RBMS3: variants seen among roughly 807,000 people sequenced by gnomAD.
RBMS3 encodes the protein RNA binding motif single stranded interacting protein 3, also known as RNA-binding motif, single-stranded-interacting protein 3.
In RBMS3, 27 loss-of-function variants were observed where a neutral mutation model predicts 66.8. The ratio of observed to expected loss-of-function variants is 0.40; its 90% CI spans 0.30 to 0.56. The LOEUF is 0.56. RBMS3 is among the 20% of genes least tolerant of loss of function. The pLI is 0.40. For synonymous variants in RBMS3, 188 were observed against 183.0 expected, an observed-to-expected ratio of 1.03 and a Z score of -0.22; for missense variants, 513 against 549.5, an observed-to-expected ratio of 0.93 and a Z score of 0.66.
intron 3 of RBMS3, among the ~76,000 whole-genome samples, chr3:29,538,471 C>A (rs1225676940): frequency 1.3e-5 from 2 of 152,124 alleles, no homozygotes; most frequent in Non-Finnish European, 2.9e-5. Flanking sequence ...ACATCGTTAT[C>A]CTTATTATAA....
At chr3:29,299,014 A>G (rs2033483039) in intron 1 of RBMS3, among the ~76,000 whole-genome samples, 1 of 151,862 alleles carries the variant, frequency 6.6e-6, no homozygotes, top group Non-Finnish European at 1.5e-5. Context: ...AGGACTCATG[A>G]ACAAAGGAGG....
chr3:29,926,310 G>A (rs1438684892), intron 10 of RBMS3, among the ~76,000 whole-genome samples: 1 of 152,022 alleles, frequency 6.6e-6, no homozygotes, highest in Non-Finnish European at 1.5e-5. Flanking sequence ...CCCTAACCAG[G>A]CAAATTCCTA....
chr3:29,483,398 T>A (rs571404322), intron 2 of RBMS3, among the ~76,000 whole-genome samples: 1 of 152,226 alleles, frequency 6.6e-6, no homozygotes, highest in Non-Finnish European at 1.5e-5. Context: ...TCTTTGCTGT[T>A]TGTGTGTTAG....
intron 3 of RBMS3, among the ~76,000 whole-genome samples, chr3:29,551,621 A>G (rs2046182210): frequency 6.6e-6 from 1 of 152,234 alleles, no homozygotes; most frequent in Non-Finnish European, 1.5e-5. Context: ...AGTTTTCATT[A>G]CAGGACATAT....
intron 4 of RBMS3, among the ~76,000 whole-genome samples, chr3:29,632,767 G>A (rs547609772): frequency 4.6e-5 from 7 of 151,946 alleles, no homozygotes; most frequent in African/African-American, 1.7e-4. Context: ...GCAAAGAATG[G>A]ATCTTTGTGT....
intron 1 of RBMS3, among the ~76,000 whole-genome samples, chr3:29,318,165 A>G (rs2034799742): frequency 6.6e-6 from 1 of 151,886 alleles, no homozygotes; most frequent in Non-Finnish European, 1.5e-5. Context: ...GGCATTTGTA[A>G]CATTCATAAT....
chr3:29,475,875 AAAAAG>A (rs1391150555), intron 2 of RBMS3, among the ~76,000 whole-genome samples: 1 of 152,186 alleles, frequency 6.6e-6, no homozygotes, highest in African/African-American at 2.4e-5. Context: ...GCTTATTAAA[AAAAAG>A]AGTTGATCTG....
At chr3:29,419,009 G>A (rs1170583764) in intron 1 of RBMS3, among the ~76,000 whole-genome samples, 1 of 152,138 alleles carries the variant, frequency 6.6e-6, no homozygotes, top group Admixed American at 6.5e-5. Context: ...ACTCTGGGTA[G>A]TAAAATGTGT....
At chr3:29,371,548 A>G (rs1380747612) in intron 1 of RBMS3, among the ~76,000 whole-genome samples, 1 of 152,244 alleles carries the variant, frequency 6.6e-6, no homozygotes, top group East Asian at 1.9e-4. Context: ...TAACCATATT[A>G]AAACATGATA....
At chr3:29,390,679 T>A (rs1353404725) in intron 1 of RBMS3, among the ~76,000 whole-genome samples, 1 of 152,224 alleles carries the variant, frequency 6.6e-6, no homozygotes, top group African/African-American at 2.4e-5. Context: ...AAATATCTGT[T>A]AAGATTTCTT....
chr3:29,939,130 A>G (rs1209771253), intron 11 of RBMS3, among the ~76,000 whole-genome samples: 4 of 151,902 alleles, frequency 2.6e-5, no homozygotes, highest in Non-Finnish European at 5.9e-5. Flanking sequence ...TAACGTCTCC[A>G]TTTCTTTGGC....
chr3:29,616,795 C>A (rs898497445), intron 4 of RBMS3: 2 of 152,150 alleles, frequency 1.3e-5, no homozygotes, highest in Non-Finnish European at 2.9e-5. Context: ...CATCAATAAT[C>A]GTCCAGCTTT....
At chr3:29,982,679 T>C (rs1013942696) in intron 12 of RBMS3, among the ~76,000 whole-genome samples, 2 of 152,236 alleles carry the variant, frequency 1.3e-5, no homozygotes, top group African/African-American at 4.8e-5. Context: ...TACCCAGTAG[T>C]CATTCAGGAG....
At chr3:29,772,788 A>G (rs1001792084) in intron 6 of RBMS3, among the ~76,000 whole-genome samples, 1 of 152,064 alleles carries the variant, frequency 6.6e-6, no homozygotes, top group African/African-American at 2.4e-5. Flanking sequence ...CAGAATCATT[A>G]GAGTTGCTTG....
chr3:29,604,634 A>G (rs1034866552), intron 4 of RBMS3, among the ~76,000 whole-genome samples: 9 of 152,026 alleles, frequency 5.9e-5, no homozygotes, highest in African/African-American at 1.4e-4. Context: ...AGTACCTGCA[A>G]ATGAGCTCAG....
chr3:29,283,266 CA>C (rs2031975121), intron 1 of RBMS3, among the ~76,000 whole-genome samples: 1 of 152,142 alleles, frequency 6.6e-6, no homozygotes, highest in Non-Finnish European at 1.5e-5. Context: ...CCAAGTGTTT[CA>C]AAAATTACAC....
At chr3:29,948,432 C>T in intron 12 of RBMS3, among the ~76,000 whole-genome samples, 1 of 151,730 alleles carries the variant, frequency 6.6e-6, no homozygotes, top group East Asian at 1.9e-4. Flanking sequence ...GTGAAACTAT[C>T]CTCTATCATC....
intron 3 of RBMS3, among the ~76,000 whole-genome samples, chr3:29,514,834 G>A (rs867116939): frequency 6.6e-6 from 1 of 151,124 alleles, no homozygotes; most frequent in Non-Finnish European, 1.5e-5. Context: ...ATAATAATAT[G>A]AGGATAATAG....
At chr3:29,764,553 A>G (rs926491064) in intron 6 of RBMS3, among the ~76,000 whole-genome samples, 3 of 152,020 alleles carry the variant, frequency 2.0e-5, no homozygotes, top group Non-Finnish European at 4.4e-5. Flanking sequence ...TAATTATATA[A>G]AAATAAAAAT....
Sources: allele counts gnomAD v4.1 joint callset (sites outside exome capture counted in the v4.1 genomes callset), GRCh38; gene constraint gnomAD v4.1.1; transcripts MANE v1.5; gene names NCBI Gene and HGNC (gene_info 2026-07-23, HGNC 2026-07-21).